POLR1F: variants seen among roughly 807,000 people sequenced by gnomAD.
POLR1F encodes RNA polymerase I subunit F, also known as DNA-directed RNA polymerase I subunit RPA43.
A neutral mutation model predicts 21.8 loss-of-function variants in POLR1F; 23 were observed. That is an observed-to-expected ratio of 1.05 (90% CI 0.76 to 1.49). The LOEUF is 1.49. Among genes scored for constraint, POLR1F ranks in the 40% most tolerant of loss-of-function variants. POLR1F has a pLI of 0.00. For synonymous variants in POLR1F, 162 were observed against 152.8 expected (o/e 1.06, Z -0.45); for missense variants, 435 against 412.1 (o/e 1.06, Z -0.48).
chr7:19,700,376 GAACA>G (rs1783433191), intron 2 of POLR1F, 96 bp from the exon 3 acceptor site: 2 of 900,290 alleles, frequency 2.2e-6, no homozygotes, highest in Admixed American at 4.5e-5. Flanking sequence ...AATCTTCAAA[GAACA>G]AACATCAAAT....
chr7:19,705,300 T>C (rs532010399), intron 1 of POLR1F: 7 of 159,418 alleles, frequency 4.4e-5, no homozygotes, highest in Middle Eastern at 5.1e-4. Context: ...TGACTCAAGA[T>C]ACACAGAAAC....
intron 1 of POLR1F, among the ~76,000 whole-genome samples, chr7:19,706,880 T>A (rs1783533092): frequency 6.6e-6 from 1 of 152,164 alleles, no homozygotes; most frequent in Non-Finnish European, 1.5e-5. Flanking sequence ...ATGTTCAATG[T>A]TTTGTCCCTT....
Position 19,696,964 on chromosome 7 carries a change from T to C in POLR1F, c.*1352A>G, listed in dbSNP as rs1430797140. On this transcript the variant is annotated 3_prime_UTR_variant, in exon 4 of 4. Coordinates refer to ENST00000222567, the MANE Select transcript of POLR1F (RefSeq NM_001002926.2). ...CCTTCCATTGTCTAGCACATCTACT[T>C]GTAGACAATTGTGAACATCTGCCAC... is the stretch of plus-strand genomic sequence containing the variant. The C allele has an allele frequency of 2.0e-5, 3 of 152,222 alleles. No homozygotes were observed. In the East Asian group the frequency reaches 5.8e-4, roughly 29 times the overall value. 9.4% of individuals were successfully genotyped at this position (152,222 alleles called of 1,614,324 possible).
At position 19,697,912 on chromosome 7, in the gene POLR1F, T is replaced by G. The variant is rs1230845204; in HGVS notation, c.*404A>C. ...TTTAAAAAAGCAAAATAAAATAGCA[T>G]GTAATAAGGTGAAGCCTATTAAACA... is the stretch of plus-strand genomic sequence containing the variant. On this transcript the variant is annotated 3_prime_UTR_variant, in exon 4 of 4. Transcript: ENST00000222567. 1 of 154,638 alleles carries G rather than the reference T, an allele frequency of 6.5e-6. No homozygotes were observed. Among genetic ancestry groups the G allele is most frequent in the Non-Finnish European group, 1.4e-5 (1 of 69,764 alleles). The allele number at this position is 154,638 out of a possible 1,614,324, so 9.6% of individuals were successfully genotyped here.
At chr7:19,700,450 C>G (rs1562595498) in intron 2 of POLR1F, 170 bp from the exon 3 acceptor site, 1 of 590,178 alleles carries the variant, frequency 1.7e-6, no homozygotes, top group Admixed American at 3.0e-5. Context: ...ACATGTCATG[C>G]CAAAACATCA....
At position 19,696,014 on chromosome 7, in the gene POLR1F, G is replaced by A. The variant is rs1020952794; in HGVS notation, c.*2302C>T. The A allele has an allele frequency of 6.6e-6, 1 of 152,176 alleles. No individual in the cohort carries two copies. The highest frequency in any genetic ancestry group is 2.4e-5 in the African/African-American group (1 of 41,458). 9.4% of individuals were successfully genotyped at this position (152,176 alleles called of 1,614,324 possible). ...TTTCTGTATCACTGGTGACTAGTGAGGTGTCTTGCACAGTGAAATGGGTGA... is the reference window on the plus strand; with the variant it reads ...TTTCTGTATCACTGGTGACTAGTGAAGTGTCTTGCACAGTGAAATGGGTGA... On this transcript the variant is annotated 3_prime_UTR_variant, in exon 4 of 4. Transcript: ENST00000222567.
In POLR1F at chr7:19,700,120, G is replaced by A; in HGVS notation, c.557C>T (p.Ser186Leu). 5 of 1,613,918 alleles carry A rather than the reference G, an allele frequency of 3.1e-6. No homozygotes were observed. The South Asian group carries it at 3.3e-5, about 11-fold the overall frequency. The stretch of plus-strand genomic sequence containing the variant: ...AATGCAGAATACTCCAGCAGCATCT[G>A]AGTCTAAACGAAATACTTCAAATTC... The part of the protein sequence containing the change: ...ELEFEVFRLD[S>L]DAAGVFCIRG... The change falls in exon 3 of 4, where the codon TCA becomes TTA. Residue 186 changes from serine to leucine, a missense_variant. Physicochemically the swap from Ser to Leu is moderately radical, Grantham distance 145. Transcript: ENST00000222567.
In POLR1F at chr7:19,700,943, A is replaced by G. The variant is rs1035937430; in HGVS notation, c.397-663T>C. 3.3e-5 allele frequency among the ~76,000 whole-genome samples: 5 copies of G among 152,198 alleles called. No homozygotes were observed. The East Asian group carries it at 7.7e-4, about 23-fold the overall frequency. ...TGATTTTAAGATGAGACTTTGCATA[A>G]AACTTATTTTTCTTCTCAGGGTCAA... On this transcript the variant is annotated intron_variant, in intron 2 of 3. Coordinates refer to ENST00000222567, the MANE Select transcript of POLR1F (RefSeq NM_001002926.2).
At chr7:19,702,548 A>C (rs1783459365) in intron 2 of POLR1F, among the ~76,000 whole-genome samples, 1 of 152,210 alleles carries the variant, frequency 6.6e-6, no homozygotes, top group Admixed American at 6.5e-5. Flanking sequence ...AATAGTCATA[A>C]ACATATAAAA....
At chr7:19,701,180 A>G (rs1783441662) in intron 2 of POLR1F, among the ~76,000 whole-genome samples, 1 of 152,252 alleles carries the variant, frequency 6.6e-6, no homozygotes, top group Non-Finnish European at 1.5e-5. Flanking sequence ...ACAAACTGGT[A>G]CAGCTATAAA....
At position 19,697,193 on chromosome 7, in the gene POLR1F, C is replaced by T. The variant is rs1046326983; in HGVS notation, c.*1123G>A. 7 of 152,080 alleles carry T rather than the reference C, an allele frequency of 4.6e-5. No individual in the cohort carries two copies. The highest frequency in any genetic ancestry group is 5.9e-5 in the Non-Finnish European group (4 of 67,954). 9.4% of individuals were successfully genotyped at this position (152,080 alleles called of 1,614,324 possible). A position where few individuals can be genotyped will look rare whatever the true frequency, so the allele number is the denominator to read the frequency against. ...TAACAGTGAGTGAACAATCCTCCCC[C>T]TTTTTTTCATACCACTTAATACAAT... On this transcript the variant is annotated 3_prime_UTR_variant, in exon 4 of 4. Coordinates refer to ENST00000222567, the MANE Select transcript of POLR1F (RefSeq NM_001002926.2).
At chr7:19,703,663 T>C (rs1247603001) in intron 2 of POLR1F, among the ~76,000 whole-genome samples, 1 of 152,174 alleles carries the variant, frequency 6.6e-6, no homozygotes, top group East Asian at 1.9e-4. Context: ...GGCGCAATCA[T>C]AGCTCACTGC....
chr7:19,708,384 C>G (rs2072186), intron 1 of POLR1F, among the ~76,000 whole-genome samples: 1 of 152,038 alleles, frequency 6.6e-6, no homozygotes, highest in African/African-American at 2.4e-5. Flanking sequence ...AGATTTTTAT[C>G]GTCAAATGAG....
intron 3 of POLR1F, 28 bp from the exon 4 acceptor site, chr7:19,698,755 C>G (rs751641540): frequency 2.7e-6 from 4 of 1,487,350 alleles, no homozygotes; most frequent in Admixed American, 5.1e-5. Flanking sequence ...AAAAAATTAA[C>G]AGAACAATAA....
chr7:19,702,702 A>G (rs748404632), intron 2 of POLR1F, among the ~76,000 whole-genome samples: 3 of 152,244 alleles, frequency 2.0e-5, no homozygotes, highest in Non-Finnish European at 4.4e-5. Context: ...AAGAACTGCT[A>G]TAAGTCAATA....
At position 19,708,772 on chromosome 7, in the gene POLR1F, T is replaced by C. The variant is rs753306073; in HGVS notation, c.245A>G (p.Tyr82Cys). The change falls in exon 1 of 4, where the codon TAT (tyrosine) becomes TGT (cysteine). Residue 82 changes from tyrosine to cysteine, a missense_variant. By Grantham distance (194) the Tyr-to-Cys change is radical (BLOSUM62 -2). Transcript: ENST00000222567. ...GCAAAGAGATCGGTACCTCTCAGAA[T>C]AGCGAAGGAGCTCCGCATCAAGCTG... ...REQLDAELLR[Y>C]SESLLGVPIA... 5 of 1,611,786 alleles carry C rather than the reference T, an allele frequency of 3.1e-6. No homozygotes were observed. Among genetic ancestry groups the C allele is most frequent in the East Asian group, 2.2e-5 (1 of 44,804 alleles).
intron 2 of POLR1F, among the ~76,000 whole-genome samples, chr7:19,704,173 CAT>C (rs1783485175): frequency 1.3e-5 from 2 of 152,144 alleles, no homozygotes; most frequent in African/African-American, 4.8e-5. Context: ...AGGAAAAGAA[CAT>C]ATACACACAC....
chr7:19,702,957 G>C (rs1783464513), intron 2 of POLR1F, among the ~76,000 whole-genome samples: 1 of 152,102 alleles, frequency 6.6e-6, no homozygotes, highest in African/African-American at 2.4e-5. Flanking sequence ...CTGTGAACTA[G>C]CTCTTCTGCT....
chr7:19,704,075 T>G (rs555348208), intron 2 of POLR1F, among the ~76,000 whole-genome samples: 10 of 152,326 alleles, frequency 6.6e-5, no homozygotes, highest in African/African-American at 2.4e-4. Flanking sequence ...AAGTGTCTTG[T>G]GGGTTTTGTC....
Sources: gnomAD v4.1 joint callset for allele counts (sites outside exome capture counted in the v4.1 genomes callset) on GRCh38, gnomAD v4.1.1 for gene constraint, MANE v1.5 for transcripts, NCBI Gene and HGNC (gene_info 2026-07-23, HGNC 2026-07-21) for gene names.